The following EGFLAM variants were observed in gnomAD, a reference collection of about 807,000 sequenced individuals.
EGFLAM encodes the protein pikachurin.
A neutral mutation model predicts 113.1 loss-of-function variants in EGFLAM; 79 were observed. The observed-to-expected ratio is 0.70, with a 90% CI of 0.58 to 0.84. EGFLAM has a LOEUF of 0.84. Among genes scored for constraint, EGFLAM ranks in the 40% least tolerant of loss-of-function variants. The pLI, the probability that EGFLAM is intolerant of heterozygous loss-of-function variation, is 0.00. For missense variants in EGFLAM, 1,265 were observed against 1,291.6 expected, an observed-to-expected ratio of 0.98 and a Z score of 0.32; for synonymous variants, 504 against 487.6, an observed-to-expected ratio of 1.03 and a Z score of -0.44.
At chr5:38,308,951 C>T (rs2111851634) in intron 1 of EGFLAM, among the ~76,000 whole-genome samples, 1 of 152,276 alleles carries the variant, frequency 6.6e-6, no homozygotes, top group Non-Finnish European at 1.5e-5. Flanking sequence ...GTGTTGGTAG[C>T]TGTATAGAAT....
intron 1 of EGFLAM, chr5:38,286,087 G>C (rs143448662): frequency 1.3e-4 from 19 of 151,592 alleles, no homozygotes; most frequent in Non-Finnish European, 2.8e-4. Flanking sequence ...AAATTAGAGT[G>C]ATCAGTAAAC....
chr5:38,275,477 G>A (rs1347178991), intron 1 of EGFLAM, among the ~76,000 whole-genome samples: 1 of 152,138 alleles, frequency 6.6e-6, no homozygotes, highest in Non-Finnish European at 1.5e-5. Flanking sequence ...GACAAAAAAG[G>A]TCGGTATATA....
At chr5:38,414,237 A>G (rs1486629749) in intron 11 of EGFLAM, among the ~76,000 whole-genome samples, 2 of 152,234 alleles carry the variant, frequency 1.3e-5, no homozygotes, top group African/African-American at 2.4e-5. Flanking sequence ...TTATGCTCAG[A>G]TGGCTAGGTA....
chr5:38,393,527 A>G (rs1188067018), intron 6 of EGFLAM, among the ~76,000 whole-genome samples: 1 of 152,128 alleles, frequency 6.6e-6, no homozygotes, highest in Non-Finnish European at 1.5e-5. Flanking sequence ...TATTCCCTCT[A>G]AAGTTCATCA....
rs145775967 is a variant in EGFLAM, at chr5:38,359,786, C to T, written c.545+7455C>T. The stretch of plus-strand genomic sequence containing the variant: ...TCAAGAAACGTTCTCTAAATCTCAA[C>T]GTAAGATATTTATATTAATAAGTGA... On this transcript the variant is annotated intron_variant, in intron 5 of 21. Transcript: ENST00000322350. Among the ~76,000 whole-genome samples the T allele has an allele frequency of 5.4e-4, 83 of 152,296 alleles. 1 individual carries two copies. The East Asian group carries it at 0.013, about 24-fold the overall frequency.
chr5:38,430,281 A>G (rs1055333338), intron 14 of EGFLAM: 4 of 151,896 alleles, frequency 2.6e-5, no homozygotes, highest in Non-Finnish European at 4.4e-5. Flanking sequence ...AGCTCTTACA[A>G]TTTTTCTCTT....
At chr5:38,291,395 C>T (rs1269728962) in intron 1 of EGFLAM, among the ~76,000 whole-genome samples, 4 of 152,190 alleles carry the variant, frequency 2.6e-5, no homozygotes, top group African/African-American at 9.7e-5. Context: ...TTCTCTGCTT[C>T]CTGCACCACT....
At chr5:38,260,470 G>A (rs1757472581) in intron 1 of EGFLAM, among the ~76,000 whole-genome samples, 1 of 152,098 alleles carries the variant, frequency 6.6e-6, no homozygotes, top group South Asian at 2.1e-4. Context: ...ATTTTTTGGA[G>A]TTCTTCTCCT....
chr5:38,442,273 T>C (rs918436132), intron 17 of EGFLAM, among the ~76,000 whole-genome samples: 16 of 148,990 alleles, frequency 1.1e-4, no homozygotes, highest in African/African-American at 3.9e-4. Flanking sequence ...ATATTAAATG[T>C]TATGTCATTT....
rs576124562 is a variant in EGFLAM at position 38,431,835 on chromosome 5, G to T, written c.2166+547G>T. On this transcript the variant is annotated intron_variant, in intron 15 of 21. Transcript: ENST00000322350. Reference sequence around the variant, plus strand: ...ATAGTGCCTACTTCACAGAGTTGTTGTGAGAATTAAAAGAATTGTACATGT... The same window carrying T: ...ATAGTGCCTACTTCACAGAGTTGTTTTGAGAATTAAAAGAATTGTACATGT... Among the ~76,000 whole-genome samples, 7 of 152,284 alleles carry T rather than the reference G, an allele frequency of 4.6e-5. No individual in the cohort carries two copies. In the East Asian group the frequency reaches 1.4e-3, roughly 29 times the overall value.
In EGFLAM at chr5:38,465,318, G is replaced by A. The variant is rs1442387654; in HGVS notation, c.*1332G>A. On this transcript the variant is annotated 3_prime_UTR_variant, in exon 22 of 22. Transcript: ENST00000322350. ...GATGAACACTGCCCCCAAGGAGGGG[G>A]TGAAATATGATCTAACTTATGCAAG... Among the ~76,000 whole-genome samples, 2 of 152,218 alleles carry A rather than the reference G, an allele frequency of 1.3e-5. No individual in the cohort carries two copies. The highest frequency in any genetic ancestry group is 2.1e-4 in the South Asian group (1 of 4,820).
intron 5 of EGFLAM, among the ~76,000 whole-genome samples, chr5:38,367,812 A>G (rs1434780549): frequency 6.6e-6 from 1 of 152,200 alleles, no homozygotes. Flanking sequence ...GAGACTCTAA[A>G]AACACTCAAA....
chr5:38,262,618 T>C (rs1489083844), intron 1 of EGFLAM, among the ~76,000 whole-genome samples: 1 of 152,212 alleles, frequency 6.6e-6, no homozygotes, highest in Non-Finnish European at 1.5e-5. Context: ...CGCATAATGC[T>C]TTTAAGATCC....
chr5:38,415,167 G>A (rs1741601910), intron 11 of EGFLAM, among the ~76,000 whole-genome samples: 1 of 149,974 alleles, frequency 6.7e-6, no homozygotes, highest in African/African-American at 2.5e-5. Flanking sequence ...TTCGAGACCA[G>A]CCTGGCCAAC....
chr5:38,433,911 T>A (rs1380751265), intron 15 of EGFLAM, among the ~76,000 whole-genome samples: 1 of 152,158 alleles, frequency 6.6e-6, no homozygotes, highest in Non-Finnish European at 1.5e-5. Context: ...ATTAATCTAA[T>A]TGAAATTTCC....
Position 38,449,757 on chromosome 5 carries a change from T to C in EGFLAM, c.2543+1378T>C, listed in dbSNP as rs183313926. ...AGGTAAAAGTCAAGTTCAGGGTCTA[T>C]TTCAGTCAGATATCTTTGGTGCCAA... On this transcript the variant is annotated intron_variant, in intron 18 of 21. Coordinates refer to ENST00000322350, the MANE Select transcript of EGFLAM (RefSeq NM_152403.4). Among the ~76,000 whole-genome samples the C allele has an allele frequency of 1.5e-3, 225 of 152,240 alleles. 1 individual carries two copies. Among genetic ancestry groups the C allele is most frequent in the African/African-American group, 5.0e-3 (209 of 41,544 alleles).
chr5:38,265,962 G>C (rs1199988814), intron 1 of EGFLAM, among the ~76,000 whole-genome samples: 2 of 152,148 alleles, frequency 1.3e-5, no homozygotes, highest in Non-Finnish European at 2.9e-5. Flanking sequence ...TCTGTGTTAT[G>C]CTGATCTTCA....
At chr5:38,350,753 A>G in intron 4 of EGFLAM, 135 bp downstream of exon 4, 13 of 777,384 alleles carry the variant, frequency 1.7e-5, no homozygotes, top group Non-Finnish European at 2.6e-5. Flanking sequence ...AACAAAAGTA[A>G]GCACAGCTCC....
chr5:38,396,385 A>G (rs914139676), intron 6 of EGFLAM, among the ~76,000 whole-genome samples: 1 of 152,168 alleles, frequency 6.6e-6, no homozygotes, highest in Non-Finnish European at 1.5e-5. Context: ...CAAACTACCA[A>G]ACTTCCAGTG....
Sources: gnomAD v4.1 joint callset for allele counts (sites outside exome capture counted in the v4.1 genomes callset) on GRCh38, gnomAD v4.1.1 for gene constraint, MANE v1.5 for transcripts, NCBI Gene and HGNC (gene_info 2026-07-23, HGNC 2026-07-21) for gene names.